COPB1: variants seen among roughly 807,000 people sequenced by gnomAD.
COPB1 encodes coat protein complex I subunit beta 1, also known as coatomer subunit beta.
A neutral mutation model predicts 108.7 loss-of-function variants in COPB1; 21 were observed. The ratio of observed to expected loss-of-function variants is 0.19; its 90% confidence interval spans 0.14 to 0.28. The LOEUF is 0.28. Among genes scored for constraint, COPB1 ranks in the 10% least tolerant of loss-of-function variants. The probability of loss-of-function intolerance (pLI) is 1.00; values close to 1 mark genes in which losing one functional copy is unlikely to be tolerated. For synonymous variants in COPB1, 378 were observed against 386.8 expected, an observed-to-expected ratio of 0.98 and a Z score of 0.27; for missense variants, 919 against 1,141.3, an observed-to-expected ratio of 0.81 and a Z score of 2.81.
intron 2 of COPB1, 27 bp from the exon 3 acceptor site, chr11:14,494,466 A>AAAG: frequency 1.5e-6 from 2 of 1,348,666 alleles, no homozygotes. Flanking sequence ...TTTAAAAAAA[A>AAAG]GCACAATTAT....
At chr11:14,494,627 A>G (rs894255049) in intron 2 of COPB1, 188 bp from the exon 3 acceptor site, 2 of 518,204 alleles carry the variant, frequency 3.9e-6, no homozygotes, top group Non-Finnish European at 6.8e-6. Flanking sequence ...TCTTTGCTCA[A>G]GTCATTTATC....
intron 14 of COPB1, among the ~76,000 whole-genome samples, chr11:14,471,803 C>T (rs576088861): frequency 5.9e-5 from 9 of 152,108 alleles, no homozygotes; most frequent in Non-Finnish European, 1.2e-4. Flanking sequence ...GCGCCTGTAG[C>T]CCCAGCTACT....
intron 11 of COPB1, chr11:14,478,934 G>T (rs1589960892): frequency 9.4e-6 from 1 of 106,566 alleles, no homozygotes; most frequent in Non-Finnish European, 1.8e-5. Flanking sequence ...AGGCTTTCTG[G>T]TTTTTGCCGG....
At chr11:14,469,073 C>A (rs1002767701) in intron 15 of COPB1, among the ~76,000 whole-genome samples, 6 of 152,198 alleles carry the variant, frequency 3.9e-5, no homozygotes, top group African/African-American at 7.2e-5. Context: ...CAGCTCACTG[C>A]AGCCTCGAAC....
chr11:14,495,366 G>T (rs1290439655), intron 2 of COPB1, among the ~76,000 whole-genome samples: 2 of 152,240 alleles, frequency 1.3e-5, no homozygotes, highest in African/African-American at 4.8e-5. Context: ...ATGAGGAAAA[G>T]AACTACAACT....
In COPB1 at chr11:14,474,604, C is replaced by A; in HGVS notation, c.1628G>T (p.Arg543Ile). ...GAAATCTCCATCCAGAAGGAATCCT[C>A]TCAAGGGAGGTCTGCAAAGCAACCA... ...TKKEEDRPPL[R>I]GFLLDGDFFV... The change falls in exon 14 of 22, where the codon AGA becomes ATA. Residue 543 changes from arginine (R) to isoleucine (I), a missense_variant. This residue lies in a region of COPB1 where 705 missense variants were observed against 817.8 expected (regional missense o/e 0.86). Coordinates refer to ENST00000439561, the MANE Select transcript of COPB1 (RefSeq NM_001144061.2). The A allele has an allele frequency of 1.9e-6, 3 of 1,613,690 alleles. No homozygotes were observed. Among genetic ancestry groups the A allele is most frequent in the Non-Finnish European group, 2.5e-6 (3 of 1,179,834 alleles).
rs576521873 is a variant in COPB1 at position 14,482,070 on chromosome 11, GCATGA to G, written c.957+957_957+961del. ...GCCTCCCAAAGTGCTGCGATTTTAGGCATGAGCCACCACACCTGGCCCACATTTGC... is the reference window on the plus strand; with the variant it reads ...GCCTCCCAAAGTGCTGCGATTTTAGGGCCACCACACCTGGCCCACATTTGC... On this transcript the variant is annotated intron_variant, in intron 8 of 21. Coordinates refer to ENST00000439561, the MANE Select transcript of COPB1 (RefSeq NM_001144061.2). Among the ~76,000 whole-genome samples, 11 of 152,122 alleles carry G rather than the reference GCATGA, an allele frequency of 7.2e-5. No individual in the cohort carries two copies. The South Asian group carries it at 2.3e-3, about 32-fold the overall frequency.
At chr11:14,457,985 C>G in intron 21 of COPB1, 102 bp from the exon 22 acceptor site, 1 of 581,256 alleles carries the variant, frequency 1.7e-6, no homozygotes, top group East Asian at 3.7e-5. Context: ...ACACCATTAT[C>G]AACAATAAAA....
chr11:14,474,108 G>A (rs1850466503), intron 14 of COPB1: 1 of 160,818 alleles, frequency 6.2e-6, no homozygotes, highest in Non-Finnish European at 1.4e-5. Context: ...AACTACAGAT[G>A]AGAATAACTT....
chr11:14,469,779 A>C (rs557969840), intron 14 of COPB1, among the ~76,000 whole-genome samples: 10 of 152,338 alleles, frequency 6.6e-5, no homozygotes, highest in Admixed American at 2.0e-4. Flanking sequence ...AATTAGAGAC[A>C]GCAGAGGCTT....
chr11:14,493,499 T>C, intron 4 of COPB1, 143 bp downstream of exon 4: 2 of 611,356 alleles, frequency 3.3e-6, no homozygotes, highest in South Asian at 4.5e-5. Flanking sequence ...GACTTTTCAA[T>C]GTTCATAATA....
intron 4 of COPB1, among the ~76,000 whole-genome samples, chr11:14,491,217 G>C (rs558135660): frequency 4.0e-5 from 6 of 151,654 alleles, no homozygotes; most frequent in Admixed American, 3.9e-4. Flanking sequence ...GCTAATTTTT[G>C]TTATTTTTTT....
intron 14 of COPB1, among the ~76,000 whole-genome samples, chr11:14,472,193 C>G (rs1377460891): frequency 6.6e-6 from 1 of 152,196 alleles, no homozygotes; most frequent in East Asian, 1.9e-4. Context: ...ACTACTTGAT[C>G]AGTGGCAGCA....
Position 14,480,871 on chromosome 11 carries a change from GTTT to G in COPB1, c.1097_1099del (p.Lys366del). 1.9e-6 allele frequency: 3 copies of G among 1,613,900 alleles called. No individual in the cohort carries two copies. The highest frequency in any genetic ancestry group is 2.5e-6 in the Non-Finnish European group (3 of 1,179,868). On this transcript the variant is annotated inframe_deletion, in exon 10 of 22. Coordinates refer to ENST00000439561, the MANE Select transcript of COPB1 (RefSeq NM_001144061.2). ...ATCTTCATGCTCAGACACATTATTT[GTTT>G]TTATCACTTCCTTCTTCAGGACAAT...
intron 20 of COPB1, 33 bp from the exon 21 acceptor site, chr11:14,458,720 AC>A (rs1393294966): frequency 1.3e-6 from 2 of 1,592,844 alleles, no homozygotes; most frequent in Non-Finnish European, 8.5e-7. Context: ...TCATTACTTT[AC>A]CAGATACCTA....
intron 2 of COPB1, among the ~76,000 whole-genome samples, chr11:14,497,354 A>AC (rs397755668): frequency 6.6e-6 from 1 of 151,334 alleles, no homozygotes; most frequent in Non-Finnish European, 1.5e-5. Flanking sequence ...AAAAAAAAAA[A>AC]CTCATAATCT....
intron 2 of COPB1, among the ~76,000 whole-genome samples, chr11:14,496,684 GAAAA>G (rs35125378): frequency 1.4e-5 from 2 of 143,758 alleles, no homozygotes; most frequent in Non-Finnish European, 3.1e-5. Context: ...ATTCTTCACA[GAAAA>G]AAAAAAAAAA....
chr11:14,482,947 G>C, intron 8 of COPB1, 85 bp downstream of exon 8: 1 of 1,304,298 alleles, frequency 7.7e-7, no homozygotes, highest in East Asian at 2.3e-5. Context: ...AAGCATTTAG[G>C]TTAACCAAGA....
intron 16 of COPB1, among the ~76,000 whole-genome samples, chr11:14,468,083 T>C (rs1850322392): frequency 6.6e-6 from 1 of 152,180 alleles, no homozygotes; most frequent in Non-Finnish European, 1.5e-5. Context: ...AAAAATTTTA[T>C]AAATGTAATA....
Sources: allele counts gnomAD v4.1 joint callset (sites outside exome capture counted in the v4.1 genomes callset), GRCh38; gene constraint gnomAD v4.1.1; regional missense constraint gnomAD v4.1.1; transcripts MANE v1.5; gene names NCBI Gene and HGNC (gene_info 2026-07-23, HGNC 2026-07-21).